Variants in URB1 observed in about 807,000 individuals in gnomAD.
URB1 encodes URB1 ribosome biogenesis factor.
In URB1, 197 loss-of-function variants were observed where a neutral mutation model predicts 242.3. That is an observed-to-expected ratio of 0.81 (90% confidence interval 0.72 to 0.91). The LOEUF (loss-of-function observed/expected upper bound fraction) is 0.91. URB1 is among the 40% of genes least tolerant of loss of function. The pLI is 0.00. For synonymous variants in URB1, 1,153 were observed against 1,201.8 expected, an observed-to-expected ratio of 0.96 and a Z score of 0.84; for missense variants, 2,721 against 2,860.5, an observed-to-expected ratio of 0.95 and a Z score of 1.11.
At position 32,347,689 on chromosome 21, in the gene URB1, G is replaced by A; in HGVS notation, c.3135C>T (p.Ala1045=). ...GAAGGACCCCTGCACTAAAGTGGGT[G>A]GCCAGGAGCTTCACGAGGACAGGGC... ...TLSPVLVKLL[A]THFSAGVLQL... Residue 1045 remains alanine (A), a synonymous_variant, in exon 22 of 39, where the codon GCC becomes GCT. Coordinates refer to ENST00000382751, the MANE Select transcript of URB1 (RefSeq NM_014825.3). 6.4e-7 allele frequency: 1 copy of A among 1,551,456 alleles called. No individual in the cohort carries two copies.
intron 8 of URB1, among the ~76,000 whole-genome samples, chr21:32,368,931 A>G (rs1401455068): frequency 2.0e-5 from 3 of 152,214 alleles, no homozygotes; most frequent in Non-Finnish European, 4.4e-5. Flanking sequence ...GCCACCTACC[A>G]GTCTGCCTAG....
chr21:32,382,872 A>AACAAAATT (rs2033541836), intron 4 of URB1, among the ~76,000 whole-genome samples: 1 of 152,204 alleles, frequency 6.6e-6, no homozygotes, highest in African/African-American at 2.4e-5. Flanking sequence ...TTTTTGTTTC[A>AACAAAATT]CAGGTTTCCT....
chr21:32,345,167 G>A (rs1319559907), intron 23 of URB1, among the ~76,000 whole-genome samples: 1 of 152,038 alleles, frequency 6.6e-6, no homozygotes, highest in African/African-American at 2.4e-5. Context: ...GAGATCCATG[G>A]CTCTCAGGGA....
intron 36 of URB1, among the ~76,000 whole-genome samples, chr21:32,318,641 A>G (rs1333661141): frequency 6.6e-6 from 1 of 152,212 alleles, no homozygotes; most frequent in Admixed American, 6.5e-5. Context: ...TGGCTCCCAA[A>G]TCAGAAATAA....
chr21:32,355,302 T>C (rs2033206449), intron 16 of URB1, 147 bp downstream of exon 16: 1 of 732,104 alleles, frequency 1.4e-6, no homozygotes, highest in Non-Finnish European at 2.2e-6. Flanking sequence ...TAAAACTATG[T>C]AGATTCTGAA....
rs2123583633 is a variant in URB1, at chr21:32,350,557, T to C, written c.2832+147A>G. 4.3e-6 allele frequency: 4 copies of C among 928,026 alleles called. No homozygotes were observed. In the East Asian group the frequency reaches 1.1e-4, roughly 25 times the overall value. 57.5% of individuals were successfully genotyped at this position (928,026 alleles called of 1,614,324 possible). On this transcript the variant is annotated intron_variant, in intron 20 of 38. Transcript: ENST00000382751. ...CTGAGGGACATGAAGAGTTTGCAGC[T>C]GAGGTCTGGACAGAACAGCACTTAA...
intron 38 of URB1, among the ~76,000 whole-genome samples, chr21:32,315,308 T>C (rs191238101): frequency 8.7e-6 from 1 of 115,364 alleles, no homozygotes; most frequent in East Asian, 2.3e-4. Flanking sequence ...AAAAGTTTCT[T>C]TTCTTTAAAA....
chr21:32,347,964 C>T (rs940855682), intron 21 of URB1, among the ~76,000 whole-genome samples, 153 bp from the exon 22 acceptor site: 2 of 152,226 alleles, frequency 1.3e-5, no homozygotes, highest in Non-Finnish European at 2.9e-5. Context: ...CATTTCCATG[C>T]CCCCCTCGGG....
At chr21:32,334,096 G>T (rs925913290) in intron 29 of URB1, 67 bp downstream of exon 29, 22 of 1,449,572 alleles carry the variant, frequency 1.5e-5, no homozygotes, top group Non-Finnish European at 1.8e-6. Flanking sequence ...ACGAAGCTGA[G>T]GGTGCAGATG....
In URB1 at chr21:32,321,883, C is replaced by G; in HGVS notation, c.5402G>C (p.Cys1801Ser). 6.4e-7 allele frequency: 1 copy of G among 1,551,696 alleles called. No individual in the cohort carries two copies. The highest frequency in any genetic ancestry group is 2.0e-5 in the Admixed American group (1 of 51,012). Reference protein sequence around the residue: ...VLRQGIRDKQCYELCARRGIF... With the variant: ...VLRQGIRDKQSYELCARRGIF... Reference sequence around the variant, plus strand: ...GCCACGCCGGGCACACAGTTCGTAGCACTGCTTGTCACGGATCCCCTGCCG... The same window carrying G: ...GCCACGCCGGGCACACAGTTCGTAGGACTGCTTGTCACGGATCCCCTGCCG... The change falls in exon 34 of 39, where the codon TGC becomes TCC. Residue 1801 changes from cysteine (C) to serine (S), a missense_variant. Transcript: ENST00000382751.
At chr21:32,363,913 C>T (rs1172081736) in intron 10 of URB1, among the ~76,000 whole-genome samples, 1 of 152,056 alleles carries the variant, frequency 6.6e-6, no homozygotes, top group East Asian at 1.9e-4. Flanking sequence ...GCCTCAGCCT[C>T]CCAAAGCACT....
At chr21:32,383,802 T>C (rs1434228530) in intron 3 of URB1, among the ~76,000 whole-genome samples, 1 of 152,168 alleles carries the variant, frequency 6.6e-6, no homozygotes, top group Non-Finnish European at 1.5e-5. Flanking sequence ...AGATGGACAT[T>C]TCTCTCTGGA....
rs1408736192 is a variant in URB1 at position 32,312,192 on chromosome 21, G to T, written c.*2726C>A. On this transcript the variant is annotated 3_prime_UTR_variant, in exon 39 of 39. Transcript: ENST00000382751. Reference sequence around the variant, plus strand: ...CTCGAGTGCAGAGGTCATCCCAGGTGTTGCTGAGTTTATTGAGCACACCTA... The same window carrying T: ...CTCGAGTGCAGAGGTCATCCCAGGTTTTGCTGAGTTTATTGAGCACACCTA... 18 of 1,492,824 alleles carry T rather than the reference G, an allele frequency of 1.2e-5. No homozygotes were observed. Among genetic ancestry groups the T allele is most frequent in the Middle Eastern group, 4.3e-4 (2 of 4,610 alleles). 92.5% of individuals were successfully genotyped at this position (1,492,824 alleles called of 1,614,324 possible).
intron 20 of URB1, among the ~76,000 whole-genome samples, chr21:32,349,906 C>A (rs560681578): frequency 2.0e-5 from 3 of 151,648 alleles, no homozygotes; most frequent in East Asian, 3.9e-4. Context: ...ACCAGCCTGG[C>A]CAACATGGCG....
Position 32,321,849 on chromosome 21 carries a change from G to A in URB1, c.5436C>T (p.His1812=), listed in dbSNP as rs2032770528. 5 of 1,551,640 alleles carry A rather than the reference G, an allele frequency of 3.2e-6. No homozygotes were observed. The highest frequency in any genetic ancestry group is 1.4e-5 in the African/African-American group (1 of 73,054). The change falls in exon 34 of 39, where the codon CAC becomes CAT. Residue 1812 remains histidine (H), a synonymous_variant. Transcript: ENST00000382751. The stretch of plus-strand genomic sequence containing the variant: ...GGCTGTGGAAGAAGGACAGGATGAT[G>A]TGGAAGATGCCACGCCGGGCACACA... The part of the protein sequence containing the change: ...YELCARRGIF[H]IILSFFHSPL...
Position 32,338,747 on chromosome 21 carries a change from C to A in URB1, c.4470G>T (p.Leu1490=). 1 of 1,551,624 alleles carries A rather than the reference C, an allele frequency of 6.4e-7. No homozygotes were observed. The change falls in exon 26 of 39, where the codon CTG becomes CTT. Residue 1490 remains leucine (L), a synonymous_variant. Transcript: ENST00000382751. ...CCGGGCTCTCCTCTCCGTCAGACGT[C>A]AGTAGAGTCGGCAGAAACAGCGAGT... ...MQHSLFLPTL[L]TSDGEESPDS... is the part of the protein sequence containing the mutation.
At chr21:32,343,651 C>T (rs920807392) in intron 24 of URB1, among the ~76,000 whole-genome samples, 1 of 152,062 alleles carries the variant, frequency 6.6e-6, no homozygotes, top group African/African-American at 2.4e-5. Context: ...TGTAAACTTA[C>T]CTCAATTAAA....
At chr21:32,337,232 A>G in intron 27 of URB1, 75 bp from the exon 28 acceptor site, 1 of 1,476,576 alleles carries the variant, frequency 6.8e-7, no homozygotes, top group Non-Finnish European at 9.3e-7. Flanking sequence ...ACCTGCCCTC[A>G]TACCCTCCCT....
At position 32,363,306 on chromosome 21, in the gene URB1, G is replaced by T; in HGVS notation, c.1359C>A (p.His453Gln). ...ALNLDSTSVR[H>Q]TALSLISVIL... ...TGACAGAAATAAGGGATAAGGCTGTGTGCCTCACTGAGGTGCTGTCCAACT... is the reference window on the plus strand; with the variant it reads ...TGACAGAAATAAGGGATAAGGCTGTTTGCCTCACTGAGGTGCTGTCCAACT... The change falls in exon 11 of 39, where the codon CAC becomes CAA. Residue 453 changes from histidine to glutamine, a missense_variant. By Grantham distance (24) the His-to-Gln change is conservative. Coordinates refer to ENST00000382751, the MANE Select transcript of URB1 (RefSeq NM_014825.3). 1 of 1,551,592 alleles carries T rather than the reference G, an allele frequency of 6.4e-7. No homozygotes were observed. Among genetic ancestry groups the T allele is most frequent in the Non-Finnish European group, 8.7e-7 (1 of 1,147,018 alleles).
Sources: allele counts gnomAD v4.1 joint callset (sites outside exome capture counted in the v4.1 genomes callset), GRCh38; gene constraint gnomAD v4.1.1; transcripts MANE v1.5; gene names NCBI Gene and HGNC (gene_info 2026-07-23, HGNC 2026-07-21).